The following MAGI1 variants were observed in gnomAD, a reference collection of about 807,000 sequenced individuals.
MAGI1 encodes the protein membrane associated guanylate kinase, WW and PDZ domain containing 1, also known as membrane-associated guanylate kinase, WW and PDZ domain-containing protein 1.
Under a neutral mutation model 139.9 loss-of-function variants are expected in MAGI1, and 58 were observed. The observed-to-expected ratio is 0.41, with a 90% CI of 0.34 to 0.52. The LOEUF (loss-of-function observed/expected upper bound fraction) is 0.52, where lower values mean the gene tolerates loss of function less well. Ranked by LOEUF, MAGI1 falls within the 20% of genes least tolerant of loss-of-function variation. The probability of loss-of-function intolerance (pLI) is 0.12; values close to 1 mark genes in which losing one functional copy is unlikely to be tolerated. For synonymous variants in MAGI1, 812 were observed against 737.9 expected, an observed-to-expected ratio of 1.10 and a Z score of -1.63; for missense variants, 1,874 against 1,901.6, an observed-to-expected ratio of 0.99 and a Z score of 0.27.
intron 1 of MAGI1, among the ~76,000 whole-genome samples, chr3:65,855,644 C>G (rs1278075750): frequency 9.3e-5 from 1 of 10,798 alleles, no homozygotes; most frequent in African/African-American, 3.6e-4. Context: ...AAGGGAGAAA[C>G]AGAGAGAGAG....
At chr3:65,863,070 G>A (rs1245502503) in intron 1 of MAGI1, among the ~76,000 whole-genome samples, 1 of 152,156 alleles carries the variant, frequency 6.6e-6, no homozygotes, top group Non-Finnish European at 1.5e-5. Flanking sequence ...ATAAGTACCA[G>A]GCATTAATAA....
chr3:66,021,103 C>T (rs769220726), intron 1 of MAGI1, among the ~76,000 whole-genome samples: 32 of 152,164 alleles, frequency 2.1e-4, no homozygotes, highest in Non-Finnish European at 4.3e-4. Context: ...TTTGTGGAGG[C>T]ACTGTCTTCT....
chr3:65,539,317 C>T (rs2079101781), intron 2 of MAGI1, among the ~76,000 whole-genome samples: 1 of 152,064 alleles, frequency 6.6e-6, no homozygotes, highest in African/African-American at 2.4e-5. Flanking sequence ...CTACTGTCAA[C>T]CAGAAACATG....
intron 1 of MAGI1, among the ~76,000 whole-genome samples, chr3:65,968,586 TTCTC>T (rs574597086): frequency 9.9e-5 from 15 of 151,198 alleles, no homozygotes; most frequent in Admixed American, 7.3e-4. Context: ...TGCACACAGA[TTCTC>T]TATATAATAT....
chr3:65,588,960 G>C (rs1289473507), intron 2 of MAGI1, among the ~76,000 whole-genome samples: 1 of 152,174 alleles, frequency 6.6e-6, no homozygotes, highest in African/African-American at 2.4e-5. Flanking sequence ...ATGAGACACT[G>C]AAGTTATCCT....
chr3:65,401,492 G>A (rs1330341237), intron 12 of MAGI1, 22 bp from the exon 13 acceptor site: 2 of 1,610,346 alleles, frequency 1.2e-6, no homozygotes, highest in East Asian at 4.5e-5. Flanking sequence ...GCAACAAGGA[G>A]GGGAGGGGGG....
intron 2 of MAGI1, among the ~76,000 whole-genome samples, chr3:65,512,613 T>C (rs1405219964): frequency 6.6e-6 from 1 of 152,082 alleles, no homozygotes; most frequent in South Asian, 2.1e-4. Flanking sequence ...CAGGAAGAAG[T>C]TGAATCTCTG....
intron 14 of MAGI1, among the ~76,000 whole-genome samples, chr3:65,385,307 G>T (rs1943358522): frequency 6.6e-6 from 1 of 152,094 alleles, no homozygotes; most frequent in East Asian, 1.9e-4. Flanking sequence ...TATACATAGG[G>T]TGTTTTATGA....
intron 1 of MAGI1, among the ~76,000 whole-genome samples, chr3:65,890,628 C>T (rs1185749160): frequency 3.3e-5 from 5 of 152,160 alleles, no homozygotes; most frequent in East Asian, 3.8e-4. Context: ...TTTAAAAGAA[C>T]GAGCAGATTC....
At chr3:65,976,499 T>C (rs4688254) in intron 1 of MAGI1, among the ~76,000 whole-genome samples, 145,170 of 152,088 alleles carry the variant, frequency 0.95, 69,666 homozygotes, top group South Asian at 1. Flanking sequence ...GGTGTGGTGG[T>C]GTGCTCCTGT....
intron 1 of MAGI1, among the ~76,000 whole-genome samples, chr3:65,962,466 C>T (rs1371221850): frequency 6.6e-6 from 1 of 152,106 alleles, no homozygotes; most frequent in African/African-American, 2.4e-5. Flanking sequence ...CCAGGAACTA[C>T]ACACACAACA....
In MAGI1 at chr3:65,931,029, T is replaced by C. The variant is rs145390181; in HGVS notation, c.313+106967A>G. 4.6e-3 allele frequency among the ~76,000 whole-genome samples: 701 copies of C among 150,998 alleles called. 5 individuals are homozygous for C. The highest frequency in any genetic ancestry group is 0.015 in the African/African-American group (634 of 41,458). Reference sequence around the variant, plus strand: ...ACGAAGTAGCTATTCTTTTACTCCATTGCTTGCTTCTTTTTTTTTTTGAGA... The same window carrying C: ...ACGAAGTAGCTATTCTTTTACTCCACTGCTTGCTTCTTTTTTTTTTTGAGA... On this transcript the variant is annotated intron_variant, in intron 1 of 22. Transcript: ENST00000402939.
chr3:65,590,950 T>C (rs2106740651), intron 2 of MAGI1, among the ~76,000 whole-genome samples: 1 of 152,306 alleles, frequency 6.6e-6, no homozygotes, highest in Middle Eastern at 3.4e-3. Context: ...AGTGGAACAA[T>C]TTGGGAGTTT....
intron 1 of MAGI1, among the ~76,000 whole-genome samples, chr3:65,682,278 A>G (rs1234830121): frequency 2.6e-5 from 4 of 152,176 alleles, no homozygotes; most frequent in Non-Finnish European, 5.9e-5. Flanking sequence ...CTCCCTACAA[A>G]GAAGGAAGTG....
intron 18 of MAGI1, among the ~76,000 whole-genome samples, chr3:65,371,526 G>A (rs189053116): frequency 6.6e-6 from 1 of 152,266 alleles, no homozygotes; most frequent in East Asian, 1.9e-4. Context: ...TCAGGGTGGT[G>A]GTTGCTGAAG....
At chr3:65,904,818 T>C (rs373158182) in intron 1 of MAGI1, among the ~76,000 whole-genome samples, 2 of 152,182 alleles carry the variant, frequency 1.3e-5, no homozygotes, top group South Asian at 2.1e-4. Flanking sequence ...ATTATGTGGA[T>C]GCAGCACCTG....
At chr3:65,595,264 T>C (rs966930221) in intron 2 of MAGI1, among the ~76,000 whole-genome samples, 41 of 152,350 alleles carry the variant, frequency 2.7e-4, no homozygotes, top group South Asian at 2.3e-3. Context: ...CACCATTAAT[T>C]CATGGGCATA....
chr3:65,797,309 G>A lies in MAGI1; in HGVS notation c.314-175221C>T, dbSNP rs1429101663. On this transcript the variant is annotated intron_variant, in intron 1 of 22. Coordinates refer to ENST00000402939, the MANE Select transcript of MAGI1 (RefSeq NM_001033057.2). Reference sequence around the variant, plus strand: ...TGCATCTAAGGAAGCTTTAATAGGGGCAGGATACCTGTAAAGAGTCTATGA... The same window carrying A: ...TGCATCTAAGGAAGCTTTAATAGGGACAGGATACCTGTAAAGAGTCTATGA... 2.0e-5 allele frequency among the ~76,000 whole-genome samples: 3 copies of A among 152,072 alleles called. No homozygotes were observed. The East Asian group carries it at 5.8e-4, about 29-fold the overall frequency.
chr3:65,491,527 T>TA (rs1303603876), intron 3 of MAGI1, among the ~76,000 whole-genome samples: 79 of 152,136 alleles, frequency 5.2e-4, no homozygotes, highest in Non-Finnish European at 9.3e-4. Flanking sequence ...TTTTATATAT[T>TA]TGACGACTGA....
Sources: gnomAD v4.1 joint callset for allele counts (sites outside exome capture counted in the v4.1 genomes callset) on GRCh38, gnomAD v4.1.1 for gene constraint, MANE v1.5 for transcripts, NCBI Gene and HGNC (gene_info 2026-07-23, HGNC 2026-07-21) for gene names.